The following DCUN1D4 variants were observed in gnomAD, a reference collection of about 807,000 sequenced individuals.
The protein encoded by DCUN1D4 is defective in cullin neddylation 1 domain containing 4.
A neutral mutation model predicts 47.9 loss-of-function variants in DCUN1D4; 22 were observed. The observed-to-expected ratio is 0.46, with a 90% CI of 0.33 to 0.66. The LOEUF (loss-of-function observed/expected upper bound fraction) is 0.66. Among genes scored for constraint, DCUN1D4 ranks in the 30% least tolerant of loss-of-function variants. The pLI is 0.02. For synonymous variants in DCUN1D4, 121 were observed against 112.2 expected (o/e 1.08, Z -0.50); for missense variants, 301 against 340.8 (o/e 0.88, Z 0.92).
At chr4:51,909,348 G>A (rs754104649) in intron 8 of DCUN1D4, 2 of 195,454 alleles carry the variant, frequency 1.0e-5, no homozygotes, top group South Asian at 9.2e-5. Flanking sequence ...GACTTTGGCC[G>A]AGTCCTGTGG....
intron 1 of DCUN1D4, among the ~76,000 whole-genome samples, chr4:51,854,575 C>G (rs564655669): frequency 6.6e-6 from 1 of 152,296 alleles, no homozygotes; most frequent in Admixed American, 6.5e-5. Context: ...TTTCTAGTCT[C>G]CCCTTTAATA....
chr4:51,850,823 G>A lies in DCUN1D4; in HGVS notation c.25+7556G>A, dbSNP rs377051104. 7.2e-5 allele frequency among the ~76,000 whole-genome samples: 11 copies of A among 152,224 alleles called. 1 individual carries two copies. In the East Asian group the frequency reaches 1.6e-3, roughly 21 times the overall value. The stretch of plus-strand genomic sequence containing the variant: ...GAGCCAGGAAAGGCTTCACTAAGGA[G>A]GTTTTAAGCTAAGCCCTGATGGAGC... On this transcript the variant is annotated intron_variant, in intron 1 of 10. Transcript: ENST00000334635.
At chr4:51,887,018 T>A (rs138839748) in intron 6 of DCUN1D4, 4 of 448,504 alleles carry the variant, frequency 8.9e-6, no homozygotes, top group African/African-American at 8.1e-5. Context: ...GGACTTATAA[T>A]TATTCATCAT....
intron 8 of DCUN1D4, among the ~76,000 whole-genome samples, chr4:51,902,543 C>T (rs988030956): frequency 2.6e-5 from 4 of 152,168 alleles, no homozygotes; most frequent in Admixed American, 6.5e-5. Context: ...CTACTTCGTC[C>T]AATACAAATG....
At chr4:51,851,213 G>C (rs1723311145) in intron 1 of DCUN1D4, among the ~76,000 whole-genome samples, 1 of 152,156 alleles carries the variant, frequency 6.6e-6, no homozygotes, top group Admixed American at 6.5e-5. Flanking sequence ...AGGACTGTGT[G>C]GGGGAGACCG....
At chr4:51,875,710 T>C (rs1381367459) in intron 4 of DCUN1D4, among the ~76,000 whole-genome samples, 1 of 152,242 alleles carries the variant, frequency 6.6e-6, no homozygotes, top group African/African-American at 2.4e-5. Context: ...TTCCCTTTTA[T>C]GGATATGGTC....
chr4:51,852,981 G>A (rs1050410765), intron 1 of DCUN1D4, among the ~76,000 whole-genome samples: 1 of 152,200 alleles, frequency 6.6e-6, no homozygotes, highest in Admixed American at 6.5e-5. Flanking sequence ...GTGATTCTGT[G>A]TGCTTCAGTG....
rs1020176011 is a variant in DCUN1D4, at chr4:51,851,952, A to G, written c.25+8685A>G. On this transcript the variant is annotated intron_variant, in intron 1 of 10. Transcript: ENST00000334635. The stretch of plus-strand genomic sequence containing the variant: ...GTAACCCTCTACTGCCACTGAAATC[A>G]TTCTTAACATTTTGTTTGTGCTTTT... Among the ~76,000 whole-genome samples the G allele has an allele frequency of 2.6e-5, 4 of 152,312 alleles. No individual in the cohort carries two copies. The South Asian group carries it at 8.3e-4, about 32-fold the overall frequency.
intron 1 of DCUN1D4, among the ~76,000 whole-genome samples, chr4:51,846,412 T>C (rs1478444837): frequency 6.6e-6 from 1 of 152,234 alleles, no homozygotes; most frequent in Non-Finnish European, 1.5e-5. Flanking sequence ...CTTCTTCCTC[T>C]GTTGTTAACT....
Position 51,914,612 on chromosome 4 carries a change from T to C in DCUN1D4, c.*1028T>C, listed in dbSNP as rs1357446454. 2 of 152,544 alleles carry C rather than the reference T, an allele frequency of 1.3e-5. No homozygotes were observed. The highest frequency in any genetic ancestry group is 4.8e-5 in the African/African-American group (2 of 41,418). The allele number at this position is 152,544 out of a possible 1,614,324, so 9.4% of individuals were successfully genotyped here. ...TGTTTTGTTTTCCTTGTTTGTTTGT[T>C]TCATGCTAGGCTTTTCCTGGCAGCA... On this transcript the variant is annotated 3_prime_UTR_variant, in exon 11 of 11. Transcript: ENST00000334635.
chr4:51,875,477 G>T (rs1236217822), intron 4 of DCUN1D4: 1 of 152,146 alleles, frequency 6.6e-6, no homozygotes, highest in Non-Finnish European at 1.5e-5. Flanking sequence ...CAGTTTCTGA[G>T]TTTCATTCTT....
chr4:51,900,750 T>G (rs1341354796), intron 8 of DCUN1D4, among the ~76,000 whole-genome samples: 1 of 152,142 alleles, frequency 6.6e-6, no homozygotes, highest in Non-Finnish European at 1.5e-5. Flanking sequence ...GTTTCTAGGA[T>G]TATATAGTTT....
chr4:51,886,875 ACAG>A, intron 6 of DCUN1D4: 1 of 484,356 alleles, frequency 2.1e-6, no homozygotes, highest in South Asian at 2.1e-5. Context: ...TGTAAAAGGT[ACAG>A]TAAGCCAGAT....
At chr4:51,885,654 C>T (rs1027850248) in intron 5 of DCUN1D4, among the ~76,000 whole-genome samples, 7 of 152,068 alleles carry the variant, frequency 4.6e-5, no homozygotes, top group African/African-American at 7.2e-5. Flanking sequence ...GGGTAGGACC[C>T]GAGACCTTGA....
In DCUN1D4 at chr4:51,913,332, G is replaced by A. The variant is rs1388449248; in HGVS notation, c.763G>A (p.Val255Ile). The A allele has an allele frequency of 1.2e-6, 2 of 1,612,778 alleles. No individual in the cohort carries two copies. Among genetic ancestry groups the A allele is most frequent in the South Asian group, 1.1e-5 (1 of 90,930 alleles). The part of the protein sequence containing the change: ...KVINKDQWCN[V>I]LEFSRTINLD... ...TATTAATAAAGACCAGTGGTGCAAT[G>A]TCCTAGAGTTTAGCAGAACAATTAA... Residue 255 changes from valine (V) to isoleucine (I), a missense_variant, in exon 10 of 11, where the codon GTC becomes ATC. This residue lies in a region of DCUN1D4 where 170 missense variants were observed against 234.5 expected (regional missense o/e 0.73). Coordinates refer to ENST00000334635, the MANE Select transcript of DCUN1D4 (RefSeq NM_001040402.3).
upstream of DCUN1D4, among the ~76,000 whole-genome samples, chr4:51,842,765 G>GA (rs1721802362): frequency 4.6e-5 from 7 of 152,106 alleles, no homozygotes; most frequent in Non-Finnish European, 1.5e-5. Flanking sequence ...CACTTCGCGT[G>GA]CTTTGTTTCA....
intron 8 of DCUN1D4, among the ~76,000 whole-genome samples, chr4:51,908,588 C>T (rs1260462833): frequency 2.0e-5 from 3 of 151,372 alleles, no homozygotes; most frequent in Admixed American, 6.6e-5. Flanking sequence ...GAATTTGTTA[C>T]GGTGATTTTT....
At position 51,916,267 on chromosome 4, in the gene DCUN1D4, AAAC is replaced by A. The variant is rs1484159881; in HGVS notation, c.*2685_*2687del. ...GAAATTGTATTATTTGATTTGCCTC[AAAC>A]ATCCACTGTAATGTTACATGCACCT... On this transcript the variant is annotated 3_prime_UTR_variant, in exon 11 of 11. Transcript: ENST00000334635. 1 of 152,216 alleles carries A rather than the reference AAAC, an allele frequency of 6.6e-6. No homozygotes were observed. The highest frequency in any genetic ancestry group is 1.5e-5 in the Non-Finnish European group (1 of 67,998). 9.4% of individuals were successfully genotyped at this position (152,216 alleles called of 1,614,324 possible).
At chr4:51,900,618 A>T (rs536309206) in intron 8 of DCUN1D4, among the ~76,000 whole-genome samples, 1 of 152,252 alleles carries the variant, frequency 6.6e-6, no homozygotes, top group East Asian at 1.9e-4. Flanking sequence ...CTATAGTTCT[A>T]GCTACTCAGG....
Sources: allele counts gnomAD v4.1 joint callset (sites outside exome capture counted in the v4.1 genomes callset), GRCh38; gene constraint gnomAD v4.1.1; regional missense constraint gnomAD v4.1.1; transcripts MANE v1.5; gene names NCBI Gene and HGNC (gene_info 2026-07-23, HGNC 2026-07-21).